The following CDH13 variants were observed in gnomAD, a reference collection of about 807,000 sequenced individuals.
The protein encoded by CDH13 is cadherin-13.
In CDH13, 24 loss-of-function variants were observed where a neutral mutation model predicts 63.8. The ratio of observed to expected loss-of-function variants is 0.38; its 90% CI spans 0.27 to 0.53. The LOEUF (loss-of-function observed/expected upper bound fraction) is 0.53, where lower values mean the gene tolerates loss of function less well. Among genes scored for constraint, CDH13 ranks in the 20% least tolerant of loss-of-function variants. The pLI is 0.85. For missense variants in CDH13, 1,049 were observed against 903.1 expected, an observed-to-expected ratio of 1.16 and a Z score of -2.07; for synonymous variants, 503 against 355.3, an observed-to-expected ratio of 1.42 and a Z score of -4.67.
intron 4 of CDH13, among the ~76,000 whole-genome samples, chr16:83,173,117 T>C (rs1348756369): frequency 2.0e-5 from 3 of 152,160 alleles, no homozygotes; most frequent in African/African-American, 4.8e-5. Context: ...TATGGATTCA[T>C]GTAATTCTCA....
intron 6 of CDH13, among the ~76,000 whole-genome samples, chr16:83,422,477 A>G (rs1003258799): frequency 1.3e-5 from 2 of 152,232 alleles, no homozygotes; most frequent in African/African-American, 4.8e-5. Flanking sequence ...GGTTTCTTAT[A>G]GTATTAATGC....
chr16:82,954,903 T>C (rs1905838605), intron 2 of CDH13, among the ~76,000 whole-genome samples: 1 of 152,238 alleles, frequency 6.6e-6, no homozygotes, highest in African/African-American at 2.4e-5. Context: ...CTTTTGTGCC[T>C]GCCTTCTTTC....
At chr16:83,206,785 G>A (rs1225340629) in intron 4 of CDH13, among the ~76,000 whole-genome samples, 2 of 152,168 alleles carry the variant, frequency 1.3e-5, no homozygotes, top group African/African-American at 2.4e-5. Flanking sequence ...TTGACTTGGG[G>A]GGACCCATTA....
chr16:83,070,873 A>C (rs2032381195), intron 3 of CDH13, among the ~76,000 whole-genome samples: 3 of 131,126 alleles, frequency 2.3e-5, no homozygotes, highest in African/African-American at 5.6e-5. Flanking sequence ...CCCCCCAAAT[A>C]TCAATGACCT....
rs567921090 is a variant in CDH13 at position 83,228,619 on chromosome 16, C to T, written c.636+11122C>T. On this transcript the variant is annotated intron_variant, in intron 5 of 13. Coordinates refer to ENST00000567109, the MANE Select transcript of CDH13 (RefSeq NM_001257.5). ...GAATGACAGGAGACAGAGACGCGGA[C>T]GGGGCAGGAAGGGTTTTGTGAGAAC... Among the ~76,000 whole-genome samples, 44 of 152,194 alleles carry T rather than the reference C, an allele frequency of 2.9e-4. No individual in the cohort carries two copies. The South Asian group carries it at 3.9e-3, about 14-fold the overall frequency.
At chr16:82,905,172 G>A (rs974815303) in intron 2 of CDH13, among the ~76,000 whole-genome samples, 1 of 152,200 alleles carries the variant, frequency 6.6e-6, no homozygotes, top group East Asian at 1.9e-4. Context: ...ACCATCCGGT[G>A]TGTTTAGACG....
intron 8 of CDH13, among the ~76,000 whole-genome samples, chr16:83,655,845 G>C (rs1182086169): frequency 6.6e-6 from 1 of 152,184 alleles, no homozygotes; most frequent in East Asian, 1.9e-4. Flanking sequence ...GCAGAGGACA[G>C]GTTGTAGAGA....
rs541441553 is a variant in CDH13, at chr16:82,713,101, C to CA, written c.45+85971dup. Among the ~76,000 whole-genome samples the CA allele has an allele frequency of 2.3e-3, 347 of 151,346 alleles. 3 individuals are homozygous for CA. The highest frequency in any genetic ancestry group is 7.4e-3 in the African/African-American group (306 of 41,232). On this transcript the variant is annotated intron_variant, in intron 1 of 13. Transcript: ENST00000567109. ...TTTAGGGAAGGCAAAGGACGTTTGG[C>CA]AAAAAAACAAGTTACCTGAGGGAAT...
At chr16:82,686,035 AC>A (rs1915035336) in intron 1 of CDH13, among the ~76,000 whole-genome samples, 1 of 152,170 alleles carries the variant, frequency 6.6e-6, no homozygotes, top group African/African-American at 2.4e-5. Flanking sequence ...CTAGTGAATT[AC>A]AATTTTTTCT....
At chr16:82,845,780 A>C (rs2039231867) in intron 1 of CDH13, among the ~76,000 whole-genome samples, 1 of 152,166 alleles carries the variant, frequency 6.6e-6, no homozygotes, top group Non-Finnish European at 1.5e-5. Flanking sequence ...AAAATTCATA[A>C]ATAGATGCAA....
intron 4 of CDH13, among the ~76,000 whole-genome samples, chr16:83,192,487 T>C (rs943371854): frequency 4.5e-4 from 68 of 152,316 alleles, no homozygotes; most frequent in African/African-American, 1.6e-3. Flanking sequence ...TTGGTGCTTT[T>C]TGTGATTCCC....
chr16:83,608,882 T>C (rs1908603667), intron 8 of CDH13, among the ~76,000 whole-genome samples: 1 of 152,144 alleles, frequency 6.6e-6, no homozygotes, highest in South Asian at 2.1e-4. Context: ...TTCTCTTCCA[T>C]GTCTGGCTGC....
intron 9 of CDH13, among the ~76,000 whole-genome samples, chr16:83,674,222 T>C (rs1343433245): frequency 2.6e-5 from 4 of 152,106 alleles, no homozygotes; most frequent in African/African-American, 9.7e-5. Context: ...TAGATGAAGG[T>C]AGGCCAGTCC....
intron 3 of CDH13, among the ~76,000 whole-genome samples, chr16:83,062,417 G>A (rs779745670): frequency 2.6e-5 from 4 of 152,174 alleles, no homozygotes; most frequent in Non-Finnish European, 4.4e-5. Context: ...CTGACACGTA[G>A]TGCTTCAGTA....
intron 5 of CDH13, among the ~76,000 whole-genome samples, chr16:83,334,334 CTT>C (rs1295268476): frequency 2.3e-5 from 3 of 129,694 alleles, no homozygotes; most frequent in Admixed American, 7.9e-5. Flanking sequence ...CCCTCTCTCC[CTT>C]TCTCCCTCTC....
At chr16:83,095,531 A>G (rs1275843760) in intron 3 of CDH13, among the ~76,000 whole-genome samples, 1 of 152,182 alleles carries the variant, frequency 6.6e-6, no homozygotes, top group Non-Finnish European at 1.5e-5. Context: ...TATAATGCAA[A>G]TATCACGTTA....
chr16:83,634,836 C>T (rs1366288569), intron 8 of CDH13, among the ~76,000 whole-genome samples: 1 of 152,226 alleles, frequency 6.6e-6, no homozygotes, highest in Non-Finnish European at 1.5e-5. Context: ...ACCATTCACC[C>T]ACTGAAGGAC....
At chr16:83,379,987 C>A in intron 6 of CDH13, among the ~76,000 whole-genome samples, 1 of 137,832 alleles carries the variant, frequency 7.3e-6, no homozygotes. Flanking sequence ...AACAAGGAAG[C>A]CAATTTTAGG....
rs1826484005 is a variant in CDH13 at position 83,796,414 on chromosome 16, T to TGCA, written c.*1384_*1385insGCA. The stretch of plus-strand genomic sequence containing the variant: ...ACACGCTTTCTTATGCAATCTATGT[T>TGCA]TGCACTTGTGCTTTCAGTTAGCCTT... On this transcript the variant is annotated 3_prime_UTR_variant, in exon 14 of 14. Coordinates refer to ENST00000567109, the MANE Select transcript of CDH13 (RefSeq NM_001257.5). 2 of 152,252 alleles carry TGCA rather than the reference T, an allele frequency of 1.3e-5. No homozygotes were observed. The highest frequency in any genetic ancestry group is 2.9e-5 in the Non-Finnish European group (2 of 68,044). 9.4% of individuals were successfully genotyped at this position (152,252 alleles called of 1,614,324 possible). A position where few individuals can be genotyped will look rare whatever the true frequency, so the allele number is the denominator to read the frequency against.
Sources: gnomAD v4.1 joint callset for allele counts (sites outside exome capture counted in the v4.1 genomes callset) on GRCh38, gnomAD v4.1.1 for gene constraint, MANE v1.5 for transcripts, NCBI Gene and HGNC (gene_info 2026-07-23, HGNC 2026-07-21) for gene names.